Variants in COL11A1 observed in about 807,000 individuals in gnomAD.
COL11A1 encodes the protein collagen alpha-1(XI) chain.
A neutral mutation model predicts 265.2 loss-of-function variants in COL11A1; 74 were observed. The ratio of observed to expected loss-of-function variants is 0.28; its 90% CI spans 0.23 to 0.34. The LOEUF is 0.34. Ranked by LOEUF, COL11A1 falls within the 10% of genes least tolerant of loss-of-function variation. The pLI, the probability that COL11A1 is intolerant of heterozygous loss-of-function variation, is 1.00. For missense variants in COL11A1, 2,165 were observed against 2,263.6 expected (o/e 0.96, Z 0.88); for synonymous variants, 816 against 727.6 (o/e 1.12, Z -1.96).
At chr1:102,884,778 C>T (rs1650750848) in intron 63 of COL11A1, among the ~76,000 whole-genome samples, 1 of 152,172 alleles carries the variant, frequency 6.6e-6, no homozygotes, top group African/African-American at 2.4e-5. Flanking sequence ...AAAGGTCAAA[C>T]CATGCACTTG....
At chr1:103,037,697 A>C (rs1571115713) in intron 4 of COL11A1, among the ~76,000 whole-genome samples, 1 of 152,358 alleles carries the variant, frequency 6.6e-6, no homozygotes, top group East Asian at 1.9e-4. Context: ...ATTTTAATCT[A>C]ACAACTGGTG....
chr1:103,088,642 G>T (rs919705781), intron 1 of COL11A1, among the ~76,000 whole-genome samples: 44 of 152,172 alleles, frequency 2.9e-4, no homozygotes, highest in African/African-American at 1.0e-3. Flanking sequence ...CAACAGAGTT[G>T]CGTAGCTGCA....
At chr1:103,074,050 T>C (rs1390735107) in intron 4 of COL11A1, among the ~76,000 whole-genome samples, 1 of 152,092 alleles carries the variant, frequency 6.6e-6, no homozygotes, top group East Asian at 1.9e-4. Flanking sequence ...AGTTAAAGCA[T>C]AAGTTGTCAT....
chr1:102,961,825 A>G lies in COL11A1; in HGVS notation c.3168+41T>C, dbSNP rs1012282. The G allele has an allele frequency of 0.26, 408,940 of 1,571,308 alleles. 55,383 individuals carry two copies. Among genetic ancestry groups the G allele is most frequent in the African/African-American group, 0.38 (28,455 of 74,254 alleles). On this transcript the variant is annotated intron_variant, in intron 41 of 66. Coordinates refer to ENST00000370096, the MANE Select transcript of COL11A1 (RefSeq NM_001854.4). The stretch of plus-strand genomic sequence containing the variant: ...AGTAATGAAAGAAGAGCTGTAATTC[A>G]CAACCATGATTGTCTGGCTATTTAT...
Position 103,062,001 on chromosome 1 carries a change from G to A in COL11A1, c.651+12617C>T, listed in dbSNP as rs569442188. Among the ~76,000 whole-genome samples, 48 of 151,948 alleles carry A rather than the reference G, an allele frequency of 3.2e-4. No individual in the cohort carries two copies. The South Asian group carries it at 6.2e-3, about 20-fold the overall frequency. ...ATTATTATTGGCAGGAAAAAGAGGA[G>A]ATATCACCACAGATCCCATGGACAT... is the stretch of plus-strand genomic sequence containing the variant. On this transcript the variant is annotated intron_variant, in intron 4 of 66. Transcript: ENST00000370096.
intron 4 of COL11A1, among the ~76,000 whole-genome samples, chr1:103,071,467 CTTTTTTTTTTTTTTT>C (rs869263393): frequency 2.0e-5 from 1 of 49,892 alleles, no homozygotes; most frequent in Non-Finnish European, 3.9e-5. Flanking sequence ...GTTGGTAGGA[CTTTTTTTTTTTTTTT>C]TTTTTTTTTT....
At chr1:103,026,124 G>C (rs928348339) in intron 6 of COL11A1, 92 bp downstream of exon 6, 2 of 1,204,774 alleles carry the variant, frequency 1.7e-6, no homozygotes, top group Non-Finnish European at 2.5e-6. Context: ...TGAATGAAAG[G>C]TTTATGGTAA....
At chr1:103,022,721 C>A (rs1667195925) in intron 8 of COL11A1, 21 bp downstream of exon 8, 3 of 1,612,526 alleles carry the variant, frequency 1.9e-6, no homozygotes, top group Admixed American at 1.7e-5. Flanking sequence ...TACAATGACA[C>A]AGTGCATAGT....
chr1:102,933,965 A>C (rs1306369764), intron 46 of COL11A1, among the ~76,000 whole-genome samples: 1 of 152,050 alleles, frequency 6.6e-6, no homozygotes, highest in Admixed American at 6.5e-5. Flanking sequence ...CGGTGCGCGC[A>C]CCCACTGACC....
At chr1:102,970,059 TA>T (rs1661810757) in intron 37 of COL11A1, among the ~76,000 whole-genome samples, 159 bp downstream of exon 37, 2 of 125,002 alleles carry the variant, frequency 1.6e-5, no homozygotes, top group African/African-American at 8.6e-5. Flanking sequence ...TTTTTGTATT[TA>T]TATATATATG....
chr1:103,023,924 T>C (rs189207746), intron 7 of COL11A1, among the ~76,000 whole-genome samples: 15 of 152,308 alleles, frequency 9.8e-5, no homozygotes, highest in African/African-American at 3.1e-4. Flanking sequence ...ACTGTACAAT[T>C]CTCAAGAAGA....
intron 57 of COL11A1, among the ~76,000 whole-genome samples, chr1:102,896,792 A>C (rs981527642): frequency 2.6e-5 from 4 of 152,200 alleles, no homozygotes; most frequent in African/African-American, 9.6e-5. Flanking sequence ...CATCTGCAGA[A>C]AGGTCAAAAT....
chr1:102,907,885 T>TA (rs1451991276), intron 54 of COL11A1, among the ~76,000 whole-genome samples: 5 of 152,020 alleles, frequency 3.3e-5, no homozygotes, highest in Admixed American at 1.3e-4. Flanking sequence ...AGTCTTTTGG[T>TA]GGATATGTGC....
chr1:103,064,419 G>T (rs148060177), intron 4 of COL11A1, among the ~76,000 whole-genome samples: 6 of 152,082 alleles, frequency 3.9e-5, no homozygotes, highest in African/African-American at 1.4e-4. Context: ...GGCCAGGCGC[G>T]GTGGCTCATG....
intron 10 of COL11A1, among the ~76,000 whole-genome samples, 196 bp downstream of exon 10, chr1:103,018,622 T>G (rs925725834): frequency 5.3e-5 from 8 of 152,142 alleles, no homozygotes; most frequent in Admixed American, 4.6e-4. Context: ...CAAAAATATT[T>G]AAAACAAAAT....
chr1:102,970,208 A>G lies in COL11A1; in HGVS notation c.2862+11T>C, dbSNP rs754910566. On this transcript the variant is annotated intron_variant, in intron 37 of 66. Coordinates refer to ENST00000370096, the MANE Select transcript of COL11A1 (RefSeq NM_001854.4). Reference sequence around the variant, plus strand: ...ATGGAAATTTTTAATAAGAGTAACAAGGTCACTTACAGTCTCCCCACGTTG... The same window carrying G: ...ATGGAAATTTTTAATAAGAGTAACAGGGTCACTTACAGTCTCCCCACGTTG... The G allele has an allele frequency of 3.7e-6, 6 of 1,611,532 alleles. No homozygotes were observed. In the South Asian group the frequency reaches 4.4e-5, roughly 12 times the overall value.
At chr1:102,949,082 A>T (rs906857719) in intron 41 of COL11A1, among the ~76,000 whole-genome samples, 5 of 152,080 alleles carry the variant, frequency 3.3e-5, no homozygotes, top group African/African-American at 1.2e-4. Flanking sequence ...AAAAGAAAAA[A>T]GTCAGTAATA....
rs547117934 is a variant in COL11A1 at position 103,038,141 on chromosome 1, C to G, written c.652-6897G>C. ...AACATAAAAAGCATCTTAAACAAAACTTTTGAGGGATGAAACTGTATGACG... is the reference window on the plus strand; with the variant it reads ...AACATAAAAAGCATCTTAAACAAAAGTTTTGAGGGATGAAACTGTATGACG... On this transcript the variant is annotated intron_variant, in intron 4 of 66. Transcript: ENST00000370096. 3.9e-5 allele frequency among the ~76,000 whole-genome samples: 6 copies of G among 152,164 alleles called. No homozygotes were observed. The East Asian group carries it at 1.2e-3, about 29-fold the overall frequency.
chr1:102,925,277 T>C (rs1292569944), intron 46 of COL11A1, among the ~76,000 whole-genome samples: 4 of 152,120 alleles, frequency 2.6e-5, no homozygotes, highest in Non-Finnish European at 2.9e-5. Flanking sequence ...GCATAGATGA[T>C]AGCCTTTGAT....
Sources: gnomAD v4.1 joint callset for allele counts (sites outside exome capture counted in the v4.1 genomes callset) on GRCh38, gnomAD v4.1.1 for gene constraint, MANE v1.5 for transcripts, NCBI Gene and HGNC (gene_info 2026-07-23, HGNC 2026-07-21) for gene names.